FOXN3: variants seen among roughly 807,000 people sequenced by gnomAD.
The protein encoded by FOXN3 is forkhead box N3, also known as forkhead box protein N3.
In FOXN3, 7 loss-of-function variants were observed where a neutral mutation model predicts 38.4. That is an observed-to-expected ratio of 0.18 (90% confidence interval 0.10 to 0.34). The LOEUF (loss-of-function observed/expected upper bound fraction) is 0.34, where lower values mean the gene tolerates loss of function less well. Among genes scored for constraint, FOXN3 ranks in the 10% least tolerant of loss-of-function variants. The probability of loss-of-function intolerance (pLI) is 1.00; values close to 1 mark genes in which losing one functional copy is unlikely to be tolerated. For synonymous variants in FOXN3, 230 were observed against 242.2 expected, an observed-to-expected ratio of 0.95 and a Z score of 0.47; for missense variants, 456 against 613.4, an observed-to-expected ratio of 0.74 and a Z score of 2.71.
At chr14:89,324,443 C>CAT (rs1887984033) in intron 3 of FOXN3, among the ~76,000 whole-genome samples, 1 of 143,384 alleles carries the variant, frequency 7.0e-6, no homozygotes, top group African/African-American at 2.6e-5. Flanking sequence ...TAAGTGTGTG[C>CAT]GTGTGTGTGT....
chr14:89,303,968 T>C (rs751223127), intron 3 of FOXN3, among the ~76,000 whole-genome samples: 52 of 152,224 alleles, frequency 3.4e-4, no homozygotes, highest in South Asian at 4.1e-4. Context: ...GTGTCTCCCA[T>C]ATAAATGGAC....
At chr14:89,191,948 G>GTA (rs566312671) in intron 4 of FOXN3, among the ~76,000 whole-genome samples, 2,484 of 117,926 alleles carry the variant, frequency 0.021, 167 homozygotes, top group African/African-American at 0.11. Flanking sequence ...ACTGATATTA[G>GTA]TATATATATA....
intron 2 of FOXN3, among the ~76,000 whole-genome samples, chr14:89,395,817 G>A (rs1019177544): frequency 2.6e-5 from 4 of 151,690 alleles, no homozygotes; most frequent in Admixed American, 2.6e-4. Flanking sequence ...TAAGGCTGGA[G>A]GGGGGGGAGT....
chr14:89,329,855 C>CA (rs57791098), intron 3 of FOXN3, among the ~76,000 whole-genome samples: 2,371 of 59,782 alleles, frequency 0.04, 383 homozygotes, highest in Non-Finnish European at 0.061. Flanking sequence ...GACTCAGTCT[C>CA]AAAAAAAAAA....
intron 1 of FOXN3, among the ~76,000 whole-genome samples, chr14:89,534,567 C>T (rs767084358): frequency 2.6e-5 from 4 of 152,184 alleles, no homozygotes; most frequent in South Asian, 2.1e-4. Flanking sequence ...TAAGTCCCTA[C>T]GGCAAACTGC....
intron 2 of FOXN3, among the ~76,000 whole-genome samples, chr14:89,366,121 C>T (rs1467139080): frequency 1.3e-5 from 2 of 152,108 alleles, no homozygotes; most frequent in Non-Finnish European, 2.9e-5. Flanking sequence ...GGTGTGGTGG[C>T]GGATGCCTGT....
chr14:89,352,639 T>C (rs897532920), intron 2 of FOXN3, among the ~76,000 whole-genome samples: 1 of 152,190 alleles, frequency 6.6e-6, no homozygotes, highest in Non-Finnish European at 1.5e-5. Flanking sequence ...GGCTGACATG[T>C]GACCCAAACA....
chr14:89,457,505 T>A (rs1016609784), intron 1 of FOXN3, among the ~76,000 whole-genome samples: 5 of 152,192 alleles, frequency 3.3e-5, no homozygotes, highest in South Asian at 2.1e-4. Context: ...TTAACCACTT[T>A]AAACTTCAGG....
In FOXN3 at chr14:89,520,013, T is replaced by G. The variant is rs370336439; in HGVS notation, c.-15+99015A>C. On this transcript the variant is annotated intron_variant, in intron 1 of 6. Transcript: ENST00000345097. ...GGGTTTTTCTTTTCTTTTTTTCTTT[T>G]TTTCTTTTTTTTTTTTTTGAGACAG... is the stretch of plus-strand genomic sequence containing the variant. Among the ~76,000 whole-genome samples the G allele has an allele frequency of 1.9e-3, 273 of 144,288 alleles. 3 individuals carry two copies. Among genetic ancestry groups the G allele is most frequent in the African/African-American group, 7.3e-3 (261 of 35,702 alleles). 94.7% of individuals were successfully genotyped at this position (144,288 alleles called of 152,430 possible).
chr14:89,195,477 C>T (rs1596094713), intron 4 of FOXN3, among the ~76,000 whole-genome samples: 1 of 152,186 alleles, frequency 6.6e-6, no homozygotes, highest in East Asian at 1.9e-4. Context: ...ATGCTTCGGA[C>T]CAAAGACATT....
intron 2 of FOXN3, among the ~76,000 whole-genome samples, chr14:89,377,020 CAAAAAAAAAAAAAAAAAAAAAAA>C (rs59105357): frequency 9.4e-5 from 4 of 42,754 alleles, no homozygotes; most frequent in African/African-American, 3.7e-4. Context: ...GACTCTGTCT[CAAAAAAAAAAAAAAAAAAAAAAA>C]AAAAAAAAAA....
At chr14:89,602,143 G>T (rs746664413) in intron 1 of FOXN3, among the ~76,000 whole-genome samples, 7 of 152,024 alleles carry the variant, frequency 4.6e-5, no homozygotes, top group Non-Finnish European at 1.0e-4. Context: ...ACAAAAATTA[G>T]CTGGGCATGG....
intron 1 of FOXN3, among the ~76,000 whole-genome samples, chr14:89,519,799 G>A (rs941744976): frequency 6.6e-6 from 1 of 152,164 alleles, no homozygotes; most frequent in Non-Finnish European, 1.5e-5. Flanking sequence ...TAGGAAAGGA[G>A]TGGACAGTAT....
chr14:89,190,484 A>T (rs757701402), intron 4 of FOXN3: 2 of 1,567,926 alleles, frequency 1.3e-6, no homozygotes, highest in South Asian at 2.2e-5. Context: ...CATTATTTAC[A>T]ACGGGGCCGG....
chr14:89,421,948 T>C (rs1244814859), upstream of FOXN3, among the ~76,000 whole-genome samples: 2 of 152,170 alleles, frequency 1.3e-5, no homozygotes, highest in African/African-American at 2.4e-5. Context: ...GGTGCAATCG[T>C]AACTCACTGC....
At chr14:89,472,845 G>T (rs955352180) in intron 1 of FOXN3, among the ~76,000 whole-genome samples, 16 of 151,610 alleles carry the variant, frequency 1.1e-4, no homozygotes, top group African/African-American at 3.9e-4. Flanking sequence ...CTTTCCAAAA[G>T]GTAAATTATA....
intron 4 of FOXN3, among the ~76,000 whole-genome samples, chr14:89,225,002 G>A (rs889020904): frequency 5.5e-4 from 83 of 151,884 alleles, no homozygotes; most frequent in African/African-American, 1.9e-3. Context: ...GGTGGTGCGT[G>A]CCTATAATCC....
chr14:89,348,655 TG>T (rs1352217959), intron 3 of FOXN3, among the ~76,000 whole-genome samples: 1 of 151,828 alleles, frequency 6.6e-6, no homozygotes, highest in African/African-American at 2.4e-5. Context: ...AAGCAGAAAC[TG>T]GTTTTTTTTC....
chr14:89,236,463 C>T (rs530862522), intron 4 of FOXN3, among the ~76,000 whole-genome samples: 168 of 152,146 alleles, frequency 1.1e-3, no homozygotes, highest in African/African-American at 2.2e-3. Flanking sequence ...TGCAGTGAGC[C>T]GAGATCACGC....
Sources: gnomAD v4.1 joint callset for allele counts (sites outside exome capture counted in the v4.1 genomes callset) on GRCh38, gnomAD v4.1.1 for gene constraint, MANE v1.5 for transcripts, NCBI Gene and HGNC (gene_info 2026-07-23, HGNC 2026-07-21) for gene names.